The following PPP3CA variants were observed in gnomAD, a reference collection of about 807,000 sequenced individuals.
PPP3CA encodes protein phosphatase 3 catalytic subunit alpha, also known as CAM-PRP catalytic subunit.
Under a neutral mutation model 66.5 loss-of-function variants are expected in PPP3CA, and 14 were observed. The ratio of observed to expected loss-of-function variants is 0.21; its 90% CI spans 0.14 to 0.33. The LOEUF is 0.33. Among genes scored for constraint, PPP3CA ranks in the 10% least tolerant of loss-of-function variants. The pLI is 1.00. For missense variants in PPP3CA, 317 were observed against 639.5 expected (o/e 0.50, Z 5.44); for synonymous variants, 232 against 226.2 (o/e 1.03, Z -0.23).
chr4:101,170,400 A>G (rs1032421695), intron 2 of PPP3CA, among the ~76,000 whole-genome samples: 2 of 152,160 alleles, frequency 1.3e-5, no homozygotes, highest in African/African-American at 2.4e-5. Flanking sequence ...TTTCCTGGTA[A>G]TTCTAAAGCC....
chr4:101,157,029 C>T (rs1186760101), intron 2 of PPP3CA, among the ~76,000 whole-genome samples: 1 of 152,156 alleles, frequency 6.6e-6, no homozygotes, highest in Non-Finnish European at 1.5e-5. Context: ...CAAGTTTTCC[C>T]AAGTGATCTC....
intron 1 of PPP3CA, among the ~76,000 whole-genome samples, chr4:101,278,020 C>T (rs1727556440): frequency 6.7e-6 from 1 of 149,592 alleles, no homozygotes; most frequent in African/African-American, 2.5e-5. Flanking sequence ...CAGTTCACAA[C>T]ATTGAATCTA....
intron 1 of PPP3CA, among the ~76,000 whole-genome samples, chr4:101,212,094 TTATTTGTCATTATTC>T (rs768690801): frequency 1.3e-5 from 2 of 148,188 alleles, no homozygotes; most frequent in Non-Finnish European, 2.9e-5. Flanking sequence ...ATATTCTTAA[TTATTTGTCATTATTC>T]TATTTCAGTG....
In PPP3CA at chr4:101,347,202, C is replaced by G; in HGVS notation, c.-406G>C. ...GAATGGAGCCCCACGCGCGCACACA[C>G]GGCCAGGATTAAGACCGATCACATG... On this transcript the variant is annotated 5_prime_UTR_variant, in exon 1 of 14. Coordinates refer to ENST00000394854, the MANE Select transcript of PPP3CA (RefSeq NM_000944.5). The G allele has an allele frequency of 3.0e-6, 1 of 334,730 alleles. No individual in the cohort carries two copies. Among genetic ancestry groups the G allele is most frequent in the South Asian group, 2.5e-5 (1 of 40,498 alleles). 20.7% of individuals were successfully genotyped at this position (334,730 alleles called of 1,614,324 possible). A position where few individuals can be genotyped will look rare whatever the true frequency, so the allele number is the denominator to read the frequency against.
intron 2 of PPP3CA, among the ~76,000 whole-genome samples, chr4:101,135,938 G>A (rs1722607456): frequency 6.6e-6 from 1 of 152,102 alleles, no homozygotes. Flanking sequence ...ATGATATATT[G>A]AACTATTCAT....
At chr4:101,270,364 C>T (rs1241539394) in intron 1 of PPP3CA, among the ~76,000 whole-genome samples, 2 of 152,066 alleles carry the variant, frequency 1.3e-5, no homozygotes, top group African/African-American at 4.8e-5. Flanking sequence ...ATGTCAGGTA[C>T]TAGATAAGCT....
intron 11 of PPP3CA, among the ~76,000 whole-genome samples, chr4:101,033,430 G>A (rs1727100882): frequency 6.6e-6 from 1 of 151,944 alleles, no homozygotes. Flanking sequence ...ATAACCTGCT[G>A]CTTCCACAAT....
intron 5 of PPP3CA, among the ~76,000 whole-genome samples, chr4:101,096,363 A>C (rs1201173965): frequency 6.6e-6 from 1 of 152,216 alleles, no homozygotes; most frequent in Non-Finnish European, 1.5e-5. Flanking sequence ...TTTCATTAAC[A>C]AAAGTATTAA....
intron 11 of PPP3CA, among the ~76,000 whole-genome samples, chr4:101,037,034 C>A (rs1727284669): frequency 6.6e-6 from 1 of 152,166 alleles, no homozygotes; most frequent in Non-Finnish European, 1.5e-5. Context: ...TATTAGAGAG[C>A]TCACAGATCC....
At chr4:101,122,265 A>G (rs1192389006) in intron 2 of PPP3CA, among the ~76,000 whole-genome samples, 1 of 152,236 alleles carries the variant, frequency 6.6e-6, no homozygotes, top group East Asian at 1.9e-4. Flanking sequence ...TGAGGTCACA[A>G]CACTGGCTTC....
At chr4:101,237,361 G>A (rs1176628569) in intron 1 of PPP3CA, among the ~76,000 whole-genome samples, 1 of 151,892 alleles carries the variant, frequency 6.6e-6, no homozygotes, top group Non-Finnish European at 1.5e-5. Context: ...ATTCCAGGGA[G>A]TGGTGAGTTG....
intron 2 of PPP3CA, among the ~76,000 whole-genome samples, chr4:101,173,923 G>C (rs933539080): frequency 6.6e-6 from 1 of 151,934 alleles, no homozygotes; most frequent in African/African-American, 2.4e-5. Context: ...ATGGTGGTGG[G>C]TGCCTGTAGT....
At chr4:101,081,330 TG>T (rs1416095279) in intron 7 of PPP3CA, among the ~76,000 whole-genome samples, 3 of 152,154 alleles carry the variant, frequency 2.0e-5, no homozygotes, top group African/African-American at 7.2e-5. Context: ...TCTCTGCTGG[TG>T]TCTACAGGTC....
At chr4:101,063,172 T>A in intron 9 of PPP3CA, 60 bp downstream of exon 9, 1 of 1,559,410 alleles carries the variant, frequency 6.4e-7, no homozygotes, top group Non-Finnish European at 8.7e-7. Context: ...GAGTGTTTAA[T>A]CTCCTTTCCT....
chr4:101,333,719 C>T (rs1729527017), intron 1 of PPP3CA, among the ~76,000 whole-genome samples: 2 of 152,210 alleles, frequency 1.3e-5, no homozygotes, highest in South Asian at 4.1e-4. Context: ...TAACACATGG[C>T]AATATATGCT....
chr4:101,122,591 T>G (rs1722065072), intron 2 of PPP3CA, among the ~76,000 whole-genome samples: 1 of 152,154 alleles, frequency 6.6e-6, no homozygotes, highest in African/African-American at 2.4e-5. Flanking sequence ...AGAAGTGACT[T>G]GCAGCATTGA....
chr4:101,032,255 C>T lies in PPP3CA; in HGVS notation c.1339+12G>A. The T allele has an allele frequency of 6.3e-7, 1 of 1,584,216 alleles. No homozygotes were observed. The highest frequency in any genetic ancestry group is 1.8e-5 in the Admixed American group (1 of 55,112). On this transcript the variant is annotated intron_variant, in intron 12 of 13. Coordinates refer to ENST00000394854, the MANE Select transcript of PPP3CA (RefSeq NM_000944.5). Reference sequence around the variant, plus strand: ...TGCCCCAGCACACAGTCATACCCATCAGCCTGCTTACCGCTTTGCAGGGTT... The same window carrying T: ...TGCCCCAGCACACAGTCATACCCATTAGCCTGCTTACCGCTTTGCAGGGTT...
At chr4:101,277,701 T>C (rs975472476) in intron 1 of PPP3CA, among the ~76,000 whole-genome samples, 4 of 152,228 alleles carry the variant, frequency 2.6e-5, no homozygotes, top group Non-Finnish European at 4.4e-5. Flanking sequence ...CATTGGCTTT[T>C]ACATTTTCCA....
At chr4:101,209,574 T>C (rs1004257748) in intron 1 of PPP3CA, among the ~76,000 whole-genome samples, 1 of 152,318 alleles carries the variant, frequency 6.6e-6, no homozygotes, top group Middle Eastern at 3.4e-3. Flanking sequence ...AAGTACAATT[T>C]TGAATGTAAG....
Sources: allele counts gnomAD v4.1 joint callset (sites outside exome capture counted in the v4.1 genomes callset), GRCh38; gene constraint gnomAD v4.1.1; transcripts MANE v1.5; gene names NCBI Gene and HGNC (gene_info 2026-07-23, HGNC 2026-07-21).